Variants in NAALAD2 observed in about 807,000 individuals in gnomAD.
NAALAD2 encodes N-acetylated-alpha-linked acidic dipeptidase 2.
NAALAD2 carries 89 observed loss-of-function variants against 95.6 expected under a neutral mutation model. The observed-to-expected ratio is 0.93, with a 90% confidence interval of 0.78 to 1.11. NAALAD2 has a LOEUF of 1.11. Among genes scored for constraint, NAALAD2 ranks in the 50% least tolerant of loss-of-function variants. The pLI, the probability that NAALAD2 is intolerant of heterozygous loss-of-function variation, is 0.00. For synonymous variants in NAALAD2, 264 were observed against 294.4 expected (o/e 0.90, Z 1.06); for missense variants, 894 against 872.4 (o/e 1.02, Z -0.31).
chr11:90,151,711 G>A (rs1046964807), intron 5 of NAALAD2, among the ~76,000 whole-genome samples: 1 of 152,132 alleles, frequency 6.6e-6, no homozygotes, highest in Admixed American at 6.6e-5. Context: ...TTTTGGTGAA[G>A]AAGAATTTAG....
At chr11:90,176,171 G>C in intron 15 of NAALAD2, 109 bp downstream of exon 15, 1 of 721,724 alleles carries the variant, frequency 1.4e-6, no homozygotes, top group Non-Finnish European at 2.4e-6. Flanking sequence ...GGCCTGGGAA[G>C]AGTTCCCAGG....
chr11:90,149,866 AAT>A (rs2134864417), intron 4 of NAALAD2, among the ~76,000 whole-genome samples: 1 of 152,282 alleles, frequency 6.6e-6, no homozygotes, highest in East Asian at 1.9e-4. Context: ...AAATTAAATA[AAT>A]ATAGTTAGGA....
In NAALAD2 at chr11:90,191,722, C is replaced by T. The variant is rs778666259; in HGVS notation, c.2198C>T (p.Ala733Val). The change falls in exon 19 of 19, where the codon GCA (alanine) becomes GTA (valine). Residue 733 changes from alanine to valine, a missense_variant. By Grantham distance (64) the Ala-to-Val change is moderately conservative. Transcript: ENST00000534061. ...SIAAFTIQAA[A>V]GTLKEVL ...GCAGCTTTTACAATTCAAGCAGCAG[C>T]AGGAACTCTGAAAGAAGTATTATAG... 2 of 1,588,532 alleles carry T rather than the reference C, an allele frequency of 1.3e-6. No homozygotes were observed. Among genetic ancestry groups the T allele is most frequent in the Non-Finnish European group, 8.6e-7 (1 of 1,168,360 alleles).
At chr11:90,186,429 T>C (rs1052501216) in intron 18 of NAALAD2, among the ~76,000 whole-genome samples, 8 of 152,174 alleles carry the variant, frequency 5.3e-5, no homozygotes, top group Non-Finnish European at 1.0e-4. Flanking sequence ...AGTCTATCAT[T>C]GTTGGACATT....
At chr11:90,171,151 T>C (rs985161135) in intron 13 of NAALAD2, among the ~76,000 whole-genome samples, 12 of 152,356 alleles carry the variant, frequency 7.9e-5, no homozygotes, top group East Asian at 1.9e-4. Flanking sequence ...CTAAAACTTA[T>C]ATAATCTACT....
intron 4 of NAALAD2, 147 bp from the exon 5 acceptor site, chr11:90,150,335 C>A: frequency 1.3e-5 from 5 of 379,814 alleles, no homozygotes; most frequent in Non-Finnish European, 1.9e-5. Context: ...CTAATGAATT[C>A]TGCATAATTA....
chr11:90,172,174 C>T (rs1952661616), intron 13 of NAALAD2, among the ~76,000 whole-genome samples: 2 of 152,250 alleles, frequency 1.3e-5, no homozygotes, highest in South Asian at 2.1e-4. Flanking sequence ...TGTAAATTGG[C>T]AGGAGCAGAG....
chr11:90,144,708 C>T (rs1565512307), intron 2 of NAALAD2, among the ~76,000 whole-genome samples: 1 of 129,574 alleles, frequency 7.7e-6, no homozygotes, highest in Non-Finnish European at 1.6e-5. Flanking sequence ...TACCACTGCA[C>T]TCCAGCCTGG....
At chr11:90,148,210 T>G (rs1951797490) in intron 3 of NAALAD2, among the ~76,000 whole-genome samples, 2 of 152,176 alleles carry the variant, frequency 1.3e-5, no homozygotes, top group African/African-American at 4.8e-5. Context: ...AGCAACGGGT[T>G]AAAGTTGTTG....
intron 6 of NAALAD2, among the ~76,000 whole-genome samples, chr11:90,156,076 G>A (rs1162190948): frequency 5.3e-5 from 8 of 151,510 alleles, no homozygotes; most frequent in Non-Finnish European, 1.2e-4. Flanking sequence ...GTACTAGAGT[G>A]ATATTCTCTC....
chr11:90,172,641 G>C (rs1952675694), intron 13 of NAALAD2, among the ~76,000 whole-genome samples: 1 of 151,998 alleles, frequency 6.6e-6, no homozygotes, highest in Admixed American at 6.6e-5. Context: ...CTTTTAAACT[G>C]CTTATTATAA....
chr11:90,189,607 A>G (rs761898865), intron 18 of NAALAD2, among the ~76,000 whole-genome samples: 1 of 152,024 alleles, frequency 6.6e-6, no homozygotes, highest in South Asian at 2.1e-4. Flanking sequence ...CATCTCTACT[A>G]AAAATACAAA....
At position 90,163,339 on chromosome 11, in the gene NAALAD2, G is replaced by A; in HGVS notation, c.1105G>A (p.Asp369Asn). 1.2e-6 allele frequency: 2 copies of A among 1,613,942 alleles called. No homozygotes were observed. Among genetic ancestry groups the A allele is most frequent in the Non-Finnish European group, 1.7e-6 (2 of 1,179,854 alleles). ...DRYVILGGHRDSWVFGAIDPT... is the reference protein window; with the variant it reads ...DRYVILGGHRNSWVFGAIDPT... ...GTATGTTATTCTGGGAGGTCACCGG[G>A]ACTCCTGGGTATTTGGAGCTATTGA... The change falls in exon 10 of 19, where the codon GAC becomes AAC. Residue 369 changes from aspartate to asparagine, a missense_variant. Physicochemically the swap from Asp to Asn is conservative, Grantham distance 23. Coordinates refer to ENST00000534061, the MANE Select transcript of NAALAD2 (RefSeq NM_005467.4).
intron 18 of NAALAD2, among the ~76,000 whole-genome samples, chr11:90,190,785 CATT>C (rs1337516077): frequency 6.6e-6 from 1 of 151,666 alleles, no homozygotes; most frequent in East Asian, 1.9e-4. Context: ...AATCATTAAT[CATT>C]AATACTGACT....
At chr11:90,183,127 G>A (rs1281853233) in intron 18 of NAALAD2, 119 bp downstream of exon 18, 1 of 645,724 alleles carries the variant, frequency 1.5e-6, no homozygotes, top group Admixed American at 2.4e-5. Context: ...TAGGGAATTT[G>A]GGTAAGATTG....
At chr11:90,155,853 A>G (rs1255548883) in intron 6 of NAALAD2, among the ~76,000 whole-genome samples, 1 of 135,152 alleles carries the variant, frequency 7.4e-6, no homozygotes, top group Non-Finnish European at 1.5e-5. Flanking sequence ...TGTTATATAT[A>G]TTATATTATA....
intron 1 of NAALAD2, among the ~76,000 whole-genome samples, chr11:90,135,326 T>C (rs755620691): frequency 2.1e-4 from 32 of 152,080 alleles, no homozygotes; most frequent in Non-Finnish European, 4.4e-4. Context: ...CGTGAGAAAA[T>C]GAAAGAGCTT....
upstream of NAALAD2, chr11:90,132,087 C>T (rs1322501434): frequency 1.3e-5 from 2 of 152,576 alleles, no homozygotes; most frequent in East Asian, 3.8e-4. Context: ...ATTTTGAATG[C>T]TTGCAGTGTC....
In NAALAD2 at chr11:90,186,218, C is replaced by T. The variant is rs1014031487; in HGVS notation, c.2033+3210C>T. 4.2e-3 allele frequency among the ~76,000 whole-genome samples: 634 copies of T among 151,292 alleles called. 6 individuals are homozygous for T. The highest frequency in any genetic ancestry group is 7.3e-3 in the Non-Finnish European group (493 of 67,830). ...ACAGTCCCCAGAGTGTGATATTCCC[C>T]TTCCTGTGTCCATGTGATCTCATTG... On this transcript the variant is annotated intron_variant, in intron 18 of 18. Transcript: ENST00000534061.
Sources: gnomAD v4.1 joint callset for allele counts (sites outside exome capture counted in the v4.1 genomes callset) on GRCh38, gnomAD v4.1.1 for gene constraint, MANE v1.5 for transcripts, NCBI Gene and HGNC (gene_info 2026-07-23, HGNC 2026-07-21) for gene names.